Variants in GKAP1 observed in about 807,000 individuals in gnomAD.
GKAP1 encodes G kinase-anchoring protein 1.
In GKAP1, 31 loss-of-function variants were observed where a neutral mutation model predicts 56.7. That is an observed-to-expected ratio of 0.55 (90% CI 0.41 to 0.74). The LOEUF is 0.74. Ranked by LOEUF, GKAP1 falls within the 30% of genes least tolerant of loss-of-function variation. The pLI is 0.00. For missense variants in GKAP1, 364 were observed against 402.3 expected (o/e 0.90, Z 0.82); for synonymous variants, 151 against 138.6 (o/e 1.09, Z -0.63).
At chr9:83,806,991 C>T (rs1189015386) in intron 2 of GKAP1, among the ~76,000 whole-genome samples, 1 of 152,206 alleles carries the variant, frequency 6.6e-6, no homozygotes, top group Non-Finnish European at 1.5e-5. Context: ...GGAGTAAAGA[C>T]GGAATACCAC....
At chr9:83,741,335 A>T (rs1450704753) in intron 12 of GKAP1, among the ~76,000 whole-genome samples, 1 of 145,684 alleles carries the variant, frequency 6.9e-6, no homozygotes, top group Admixed American at 7.4e-5. Context: ...AAACACATAT[A>T]TATACACACA....
intron 2 of GKAP1, among the ~76,000 whole-genome samples, chr9:83,812,302 C>T (rs10118300): frequency 0.44 from 63,247 of 145,160 alleles, 14,270 homozygotes; most frequent in African/African-American, 0.55. Context: ...TATATATATA[C>T]GTATACATAT....
intron 8 of GKAP1, among the ~76,000 whole-genome samples, chr9:83,755,008 G>C (rs1943450597): frequency 6.6e-6 from 1 of 152,150 alleles, no homozygotes; most frequent in Non-Finnish European, 1.5e-5. Flanking sequence ...TTTGGAGGTA[G>C]CATTTGATGA....
At chr9:83,798,068 C>T (rs1944276137) in intron 4 of GKAP1, among the ~76,000 whole-genome samples, 1 of 152,154 alleles carries the variant, frequency 6.6e-6, no homozygotes, top group South Asian at 2.1e-4. Flanking sequence ...AATTAATGCT[C>T]ATAATCATGA....
intron 2 of GKAP1, among the ~76,000 whole-genome samples, chr9:83,809,939 C>A (rs949096536): frequency 6.6e-6 from 1 of 152,192 alleles, no homozygotes; most frequent in Non-Finnish European, 1.5e-5. Flanking sequence ...TCCTGAGTAG[C>A]TGGGACTAAA....
chr9:83,755,418 T>A (rs17330622), intron 8 of GKAP1, among the ~76,000 whole-genome samples: 85,691 of 151,946 alleles, frequency 0.56, 24,770 homozygotes, highest in Admixed American at 0.7. Flanking sequence ...TGAACATGGG[T>A]TTATCAAAGA....
At chr9:83,807,379 T>C (rs557099534) in intron 2 of GKAP1, among the ~76,000 whole-genome samples, 1 of 152,266 alleles carries the variant, frequency 6.6e-6, no homozygotes, top group African/African-American at 2.4e-5. Flanking sequence ...ATTCTGAAAG[T>C]CCAAATTAAG....
chr9:83,810,498 C>T (rs1432684183), intron 2 of GKAP1, among the ~76,000 whole-genome samples: 1 of 152,152 alleles, frequency 6.6e-6, no homozygotes, highest in East Asian at 1.9e-4. Flanking sequence ...ATAACAAAAA[C>T]GTTTTTCACA....
At chr9:83,806,129 AG>A (rs771799786) in intron 3 of GKAP1, among the ~76,000 whole-genome samples, 172 bp downstream of exon 3, 15 of 152,016 alleles carry the variant, frequency 9.9e-5, no homozygotes, top group Admixed American at 6.6e-5. Context: ...AAAAAAAAAA[AG>A]ATCATTACAT....
chr9:83,741,003 G>A (rs1943197467), intron 12 of GKAP1, among the ~76,000 whole-genome samples: 1 of 152,068 alleles, frequency 6.6e-6, no homozygotes. Flanking sequence ...CAGGAGATGT[G>A]TAATGACATG....
intron 7 of GKAP1, among the ~76,000 whole-genome samples, chr9:83,774,058 C>T (rs1943809011): frequency 3.3e-5 from 5 of 151,930 alleles, no homozygotes; most frequent in South Asian, 2.1e-4. Context: ...TTAGTAGAGA[C>T]GGGGTTTCAC....
intron 2 of GKAP1, among the ~76,000 whole-genome samples, chr9:83,806,852 T>C (rs7861056): frequency 7.4e-4 from 113 of 152,288 alleles, no homozygotes; most frequent in African/African-American, 2.6e-3. Context: ...AATATATACA[T>C]AGTTATAGAG....
chr9:83,815,263 C>T (rs1410509919), intron 2 of GKAP1, among the ~76,000 whole-genome samples: 2 of 152,082 alleles, frequency 1.3e-5, no homozygotes, highest in African/African-American at 4.8e-5. Flanking sequence ...GCCTAAGCTA[C>T]AAGCAGGAGA....
chr9:83,800,024 A>G (rs745383822), intron 3 of GKAP1, among the ~76,000 whole-genome samples: 1 of 152,126 alleles, frequency 6.6e-6, no homozygotes, highest in Non-Finnish European at 1.5e-5. Context: ...CACATTTAAA[A>G]GTTTAAATAG....
intron 9 of GKAP1, among the ~76,000 whole-genome samples, chr9:83,752,628 C>T (rs544201020): frequency 6.6e-6 from 1 of 152,170 alleles, no homozygotes; most frequent in African/African-American, 2.4e-5. Flanking sequence ...TGGAAATAGA[C>T]AGTGGTGATG....
At chr9:83,775,981 T>C (rs1763718035) in intron 7 of GKAP1, among the ~76,000 whole-genome samples, 1 of 151,050 alleles carries the variant, frequency 6.6e-6, no homozygotes, top group Non-Finnish European at 1.5e-5. Flanking sequence ...TCTGTAAAGC[T>C]ATAACCCCGA....
At chr9:83,777,723 T>C (rs569637930) in intron 7 of GKAP1, among the ~76,000 whole-genome samples, 1 of 152,278 alleles carries the variant, frequency 6.6e-6, no homozygotes, top group East Asian at 1.9e-4. Flanking sequence ...AAAAAATCCC[T>C]TGGCCTAAGT....
chr9:83,764,282 TAGTG>T (rs1313689640), intron 8 of GKAP1, among the ~76,000 whole-genome samples: 18 of 152,222 alleles, frequency 1.2e-4, no homozygotes, highest in African/African-American at 3.6e-4. Flanking sequence ...GCTCTCCGGT[TAGTG>T]AGTGAGTTCT....
At chr9:83,795,070 C>T (rs537514408) in intron 4 of GKAP1, among the ~76,000 whole-genome samples, 8 of 148,872 alleles carry the variant, frequency 5.4e-5, no homozygotes, top group Admixed American at 3.4e-4. Flanking sequence ...GTAGGAGAAT[C>T]GCTTGAATCC....
Sources: gnomAD v4.1 joint callset for allele counts (sites outside exome capture counted in the v4.1 genomes callset) on GRCh38, gnomAD v4.1.1 for gene constraint, MANE v1.5 for transcripts, NCBI Gene and HGNC (gene_info 2026-07-23, HGNC 2026-07-21) for gene names.